The following TANC1 variants were observed in gnomAD, a reference collection of about 807,000 sequenced individuals.
TANC1 encodes the protein protein TANC1.
TANC1 carries 77 observed loss-of-function variants against 149.7 expected under a neutral mutation model. The ratio of observed to expected loss-of-function variants is 0.51; its 90% CI spans 0.43 to 0.62. The LOEUF (loss-of-function observed/expected upper bound fraction) is 0.62. Among genes scored for constraint, TANC1 ranks in the 20% least tolerant of loss-of-function variants. The pLI is 0.00. For missense variants in TANC1, 1,985 were observed against 2,321.8 expected (o/e 0.85, Z 2.98); for synonymous variants, 854 against 925.0 (o/e 0.92, Z 1.39).
intron 8 of TANC1, 122 bp from the exon 9 acceptor site, chr2:159,169,128 A>C (rs3796105): frequency 0.34 from 218,124 of 636,338 alleles, 42,288 homozygotes; most frequent in Non-Finnish European, 0.42. Context: ...ATCAAAATGA[A>C]GTTTAAGTAA....
chr2:159,183,843 T>C (rs1020519234), intron 14 of TANC1, among the ~76,000 whole-genome samples: 1 of 152,102 alleles, frequency 6.6e-6, no homozygotes, highest in Non-Finnish European at 1.5e-5. Flanking sequence ...CTCCTCTTTG[T>C]TCCCGTGGAA....
intron 3 of TANC1, among the ~76,000 whole-genome samples, chr2:159,071,742 T>C (rs1292526875): frequency 6.6e-6 from 1 of 152,216 alleles, no homozygotes; most frequent in Non-Finnish European, 1.5e-5. Flanking sequence ...GTGCTGCCAC[T>C]GCCCGTTTTC....
Position 158,986,730 on chromosome 2 carries a change from T to C in TANC1, c.-125-14350T>C, listed in dbSNP as rs572609963. 1.1e-4 allele frequency among the ~76,000 whole-genome samples: 17 copies of C among 152,334 alleles called. No homozygotes were observed. In the South Asian group the frequency reaches 3.1e-3, roughly 28 times the overall value. ...TGATAACTCCTCAAAGAATAGGATG[T>C]TGATCTCTGGTAAAAAGCAACATCT... On this transcript the variant is annotated intron_variant, in intron 1 of 26. Coordinates refer to ENST00000263635, the MANE Select transcript of TANC1 (RefSeq NM_033394.3).
intron 5 of TANC1, chr2:159,148,071 C>G (rs959126631): frequency 6.6e-6 from 1 of 152,150 alleles, no homozygotes; most frequent in African/African-American, 2.4e-5. Context: ...AAACCTTTAC[C>G]CATTATCTGC....
intron 3 of TANC1, among the ~76,000 whole-genome samples, chr2:159,093,208 G>A (rs546244778): frequency 8.5e-5 from 13 of 152,354 alleles, no homozygotes; most frequent in African/African-American, 2.6e-4. Context: ...AACAGGAAGG[G>A]TGATTGAAAT....
At chr2:159,215,475 A>G (rs1414362767) in intron 19 of TANC1, among the ~76,000 whole-genome samples, 1 of 152,182 alleles carries the variant, frequency 6.6e-6, no homozygotes, top group Non-Finnish European at 1.5e-5. Context: ...CAAATCAGCA[A>G]CAGACTCCCA....
intron 1 of TANC1, among the ~76,000 whole-genome samples, chr2:158,979,493 C>CAA (rs796120375): frequency 4.2e-4 from 53 of 124,930 alleles, no homozygotes; most frequent in African/African-American, 1.5e-3. Context: ...GTCCTTATCT[C>CAA]AAAAAAAAAA....
intron 9 of TANC1, among the ~76,000 whole-genome samples, 177 bp from the exon 10 acceptor site, chr2:159,170,347 G>GGT (rs1245925863): frequency 1.3e-5 from 2 of 151,988 alleles, no homozygotes; most frequent in Non-Finnish European, 2.9e-5. Context: ...GGTCCAATAG[G>GGT]GTATGGTAAT....
chr2:159,167,238 T>C (rs1239417464), intron 8 of TANC1, among the ~76,000 whole-genome samples: 1 of 152,166 alleles, frequency 6.6e-6, no homozygotes, highest in Non-Finnish European at 1.5e-5. Flanking sequence ...TTACGGGTTA[T>C]GAATATGGCT....
intron 18 of TANC1, 42 bp downstream of exon 18, chr2:159,196,835 G>A: frequency 6.4e-7 from 1 of 1,557,936 alleles, no homozygotes; most frequent in South Asian, 1.1e-5. Flanking sequence ...ACAAGAAGCT[G>A]TAGCCCAGCA....
chr2:159,160,267 T>A (rs1474803975), intron 7 of TANC1, among the ~76,000 whole-genome samples: 1 of 152,160 alleles, frequency 6.6e-6, no homozygotes, highest in Non-Finnish European at 1.5e-5. Flanking sequence ...ATGCTAGAAT[T>A]TTTAAATTAT....
chr2:159,178,678 C>T lies in TANC1; in HGVS notation c.2025C>T (p.Leu675=), dbSNP rs2056142305. Residue 675 remains leucine (L), a synonymous_variant, in exon 14 of 27, where the codon CTC becomes CTT. Transcript: ENST00000263635. ...GGGTGCACAGCAGCCAGGACATCCT[C>T]AGCAACATCTCCCTGAATGGCAAGG... The part of the protein sequence containing the change: ...QHRVHSSQDI[L]SNISLNGKAD... The T allele has an allele frequency of 6.2e-7, 1 of 1,614,174 alleles. No homozygotes were observed. The highest frequency in any genetic ancestry group is 1.1e-5 in the South Asian group (1 of 91,076).
At chr2:159,107,610 C>T (rs2047316144) in intron 4 of TANC1, among the ~76,000 whole-genome samples, 1 of 152,206 alleles carries the variant, frequency 6.6e-6, no homozygotes, top group Non-Finnish European at 1.5e-5. Context: ...TCTTTCCCCA[C>T]TGAATTGTCT....
intron 2 of TANC1, chr2:159,026,924 T>C (rs1173491286): frequency 6.6e-6 from 1 of 152,164 alleles, no homozygotes. Flanking sequence ...GGGGTCTTTT[T>C]CCTATTCTCT....
chr2:159,190,448 A>C (rs1454285517), intron 16 of TANC1, among the ~76,000 whole-genome samples: 1 of 152,174 alleles, frequency 6.6e-6, no homozygotes, highest in East Asian at 1.9e-4. Context: ...GACTGGTTTC[A>C]TTGGCCTTAA....
intron 1 of TANC1, among the ~76,000 whole-genome samples, chr2:158,998,141 G>A (rs140139182): frequency 6.6e-6 from 1 of 152,156 alleles, no homozygotes; most frequent in African/African-American, 2.4e-5. Flanking sequence ...GTGTGCGCCT[G>A]TAGTTCCAGC....
At chr2:159,207,115 A>G (rs763099231) in intron 19 of TANC1, among the ~76,000 whole-genome samples, 1 of 152,250 alleles carries the variant, frequency 6.6e-6, no homozygotes, top group Non-Finnish European at 1.5e-5. Flanking sequence ...GATGCAGATA[A>G]GAACTTTAAA....
chr2:159,220,009 TG>T, intron 22 of TANC1, 142 bp downstream of exon 22: 2 of 727,246 alleles, frequency 2.8e-6, no homozygotes, highest in Non-Finnish European at 4.4e-6. Flanking sequence ...TGTGTGTGTG[TG>T]TGTGTGTGTG....
chr2:159,087,598 C>T (rs1381871305), intron 3 of TANC1, among the ~76,000 whole-genome samples: 2 of 151,334 alleles, frequency 1.3e-5, no homozygotes, highest in African/African-American at 4.9e-5. Flanking sequence ...GCCTCAACCT[C>T]CTGGGCTCAA....
Sources: allele counts gnomAD v4.1 joint callset (sites outside exome capture counted in the v4.1 genomes callset), GRCh38; gene constraint gnomAD v4.1.1; transcripts MANE v1.5; gene names NCBI Gene and HGNC (gene_info 2026-07-23, HGNC 2026-07-21).